The following DOK6 variants were observed in gnomAD, a reference collection of about 807,000 sequenced individuals.
DOK6 encodes the protein downstream of tyrosine kinase 6.
Under a neutral mutation model 44.0 loss-of-function variants are expected in DOK6, and 22 were observed. That is an observed-to-expected ratio of 0.50 (90% confidence interval 0.36 to 0.71). The LOEUF (loss-of-function observed/expected upper bound fraction) is 0.71. DOK6 is among the 30% of genes least tolerant of loss of function. DOK6 has a pLI of 0.00. For synonymous variants in DOK6, 166 were observed against 145.5 expected (o/e 1.14, Z -1.01); for missense variants, 340 against 416.4 (o/e 0.82, Z 1.60).
At chr18:69,793,128 T>G (rs1032608197) in intron 7 of DOK6, among the ~76,000 whole-genome samples, 64 of 152,184 alleles carry the variant, frequency 4.2e-4, no homozygotes, top group Non-Finnish European at 6.9e-4. Flanking sequence ...CTGTATCATT[T>G]GTATACTGCT....
intron 1 of DOK6, chr18:69,469,574 C>T (rs1980030601): frequency 5.6e-6 from 1 of 177,822 alleles, no homozygotes; most frequent in Non-Finnish European, 1.2e-5. Context: ...CATCATCTGC[C>T]GGAAATCACA....
At position 69,517,697 on chromosome 18, in the gene DOK6, A is replaced by G. The variant is rs114232162; in HGVS notation, c.67-46790A>G. ...TTGAGATGCCTTTGAATTGTATACA[A>G]TCTGTATTCAAGAGTTGTGCTATAC... On this transcript the variant is annotated intron_variant, in intron 1 of 7. Coordinates refer to ENST00000382713, the MANE Select transcript of DOK6 (RefSeq NM_152721.6). Among the ~76,000 whole-genome samples the G allele has an allele frequency of 5.4e-3, 805 of 148,368 alleles. 9 individuals carry two copies. The highest frequency in any genetic ancestry group is 0.018 in the African/African-American group (753 of 40,812).
At chr18:69,759,424 T>A (rs1274591059) in intron 7 of DOK6, among the ~76,000 whole-genome samples, 2 of 152,194 alleles carry the variant, frequency 1.3e-5, no homozygotes, top group Non-Finnish European at 2.9e-5. Context: ...AAAAAAACTA[T>A]CAGATTTCTA....
chr18:69,657,547 G>GATACAGAAA (rs1985401128), intron 3 of DOK6, among the ~76,000 whole-genome samples: 1 of 152,184 alleles, frequency 6.6e-6, no homozygotes, highest in South Asian at 2.1e-4. Context: ...AGTAAAAGTT[G>GATACAGAAA]ATTGATACAG....
intron 1 of DOK6, among the ~76,000 whole-genome samples, chr18:69,546,312 A>G (rs903093907): frequency 2.6e-5 from 4 of 151,208 alleles, no homozygotes; most frequent in Non-Finnish European, 5.9e-5. Context: ...AAATTGAGAA[A>G]AATAGATATA....
At chr18:69,674,648 TCACA>T (rs1375410672) in intron 3 of DOK6, among the ~76,000 whole-genome samples, 1 of 147,698 alleles carries the variant, frequency 6.8e-6, no homozygotes, top group Non-Finnish European at 1.5e-5. Context: ...ACCCACATAC[TCACA>T]CACACTGATA....
chr18:69,623,143 C>T (rs1984481710), intron 3 of DOK6, among the ~76,000 whole-genome samples: 1 of 152,112 alleles, frequency 6.6e-6, no homozygotes, highest in African/African-American at 2.4e-5. Flanking sequence ...TTTGCTCTGT[C>T]TCTTTCTCCT....
chr18:69,493,025 C>A, intron 1 of DOK6, among the ~76,000 whole-genome samples: 1 of 151,676 alleles, frequency 6.6e-6, no homozygotes, highest in Admixed American at 6.6e-5. Context: ...CAGCAAATGC[C>A]CTCAAAATAT....
intron 1 of DOK6, among the ~76,000 whole-genome samples, chr18:69,493,250 C>T (rs144016496): frequency 1.9e-3 from 291 of 152,214 alleles, no homozygotes; most frequent in African/African-American, 6.4e-3. Context: ...TAAACTTACA[C>T]GTTTGGCATG....
intron 7 of DOK6, among the ~76,000 whole-genome samples, chr18:69,809,595 C>CACACAA: frequency 8.3e-6 from 1 of 120,058 alleles, no homozygotes; most frequent in African/African-American, 2.9e-5. Context: ...CACACACACA[C>CACACAA]AAAAGAAAGA....
chr18:69,655,988 A>G (rs1383384408), intron 3 of DOK6, among the ~76,000 whole-genome samples: 2 of 152,128 alleles, frequency 1.3e-5, no homozygotes, highest in South Asian at 2.1e-4. Context: ...CTGAAAAAAA[A>G]TTCCAGAATT....
At chr18:69,661,016 C>G (rs1985511843) in intron 3 of DOK6, 1 of 152,158 alleles carries the variant, frequency 6.6e-6, no homozygotes, top group Non-Finnish European at 1.5e-5. Flanking sequence ...ACTGAGGAGA[C>G]AGCAGATGCT....
intron 7 of DOK6, among the ~76,000 whole-genome samples, chr18:69,829,298 G>A (rs1235811430): frequency 6.6e-6 from 1 of 150,422 alleles, no homozygotes; most frequent in East Asian, 1.9e-4. Context: ...TTAAAACACT[G>A]GAAACAAAGA....
At chr18:69,647,707 A>G (rs1373951057) in intron 3 of DOK6, among the ~76,000 whole-genome samples, 1 of 152,118 alleles carries the variant, frequency 6.6e-6, no homozygotes, top group African/African-American at 2.4e-5. Context: ...AGTAGGAGAA[A>G]TGAAAGGCAC....
chr18:69,610,939 C>T (rs1335794678), intron 3 of DOK6, among the ~76,000 whole-genome samples: 1 of 151,822 alleles, frequency 6.6e-6, no homozygotes, highest in African/African-American at 2.4e-5. Context: ...ACTGTCATCA[C>T]ATATTTAAAG....
intron 4 of DOK6, among the ~76,000 whole-genome samples, chr18:69,696,283 C>G (rs1409257080): frequency 6.6e-6 from 1 of 152,158 alleles, no homozygotes; most frequent in South Asian, 2.1e-4. Context: ...TCCACTGTTA[C>G]AGGTCATGTT....
At chr18:69,715,826 A>C (rs1401318403) in intron 5 of DOK6, among the ~76,000 whole-genome samples, 1 of 152,042 alleles carries the variant, frequency 6.6e-6, no homozygotes, top group Non-Finnish European at 1.5e-5. Context: ...AAACCATTCT[A>C]CTGGTTCACT....
intron 7 of DOK6, among the ~76,000 whole-genome samples, chr18:69,799,594 C>T (rs548523953): frequency 1.4e-4 from 22 of 152,018 alleles, no homozygotes; most frequent in African/African-American, 5.3e-4. Flanking sequence ...CACAAAATGC[C>T]CCTAGCAAGT....
intron 7 of DOK6, among the ~76,000 whole-genome samples, chr18:69,761,855 G>A (rs977135960): frequency 2.6e-5 from 4 of 152,134 alleles, no homozygotes; most frequent in South Asian, 2.1e-4. Flanking sequence ...GCAGATATCC[G>A]AGTTACGCAA....
Sources: gnomAD v4.1 joint callset for allele counts (sites outside exome capture counted in the v4.1 genomes callset) on GRCh38, gnomAD v4.1.1 for gene constraint, MANE v1.5 for transcripts, NCBI Gene and HGNC (gene_info 2026-07-23, HGNC 2026-07-21) for gene names.